Variants in DNM3 observed in about 807,000 individuals in gnomAD.
DNM3 encodes the protein dynamin 3, also known as dynamin-3.
DNM3 carries 47 observed loss-of-function variants against 101.6 expected under a neutral mutation model. That is an observed-to-expected ratio of 0.46 (90% CI 0.37 to 0.59). The LOEUF (loss-of-function observed/expected upper bound fraction) is 0.59. Among genes scored for constraint, DNM3 ranks in the 20% least tolerant of loss-of-function variants. The pLI is 0.00. For missense variants in DNM3, 849 were observed against 1,085.7 expected, an observed-to-expected ratio of 0.78 and a Z score of 3.06; for synonymous variants, 385 against 387.9, an observed-to-expected ratio of 0.99 and a Z score of 0.09.
At chr1:171,973,418 G>A (rs2044153913) in intron 2 of DNM3, among the ~76,000 whole-genome samples, 1 of 151,882 alleles carries the variant, frequency 6.6e-6, no homozygotes, top group African/African-American at 2.4e-5. Context: ...TTTTAATTAA[G>A]GGTTTACTAT....
chr1:172,224,058 C>T (rs1032605453), intron 14 of DNM3, among the ~76,000 whole-genome samples: 1 of 152,180 alleles, frequency 6.6e-6, no homozygotes, highest in Non-Finnish European at 1.5e-5. Flanking sequence ...GTTCTCTTGA[C>T]CAGTAATACC....
At chr1:172,258,498 T>C in intron 15 of DNM3, among the ~76,000 whole-genome samples, 1 of 152,082 alleles carries the variant, frequency 6.6e-6, no homozygotes, top group Non-Finnish European at 1.5e-5. Flanking sequence ...TCTTCGTAGG[T>C]TGTATTGTCC....
chr1:172,017,533 A>G (rs1447667588), intron 4 of DNM3, among the ~76,000 whole-genome samples: 2 of 152,048 alleles, frequency 1.3e-5, no homozygotes, highest in Non-Finnish European at 2.9e-5. Flanking sequence ...TTTCTATTTT[A>G]ATTTCACTGT....
chr1:171,955,651 T>C (rs755298866), intron 2 of DNM3, among the ~76,000 whole-genome samples: 18 of 152,170 alleles, frequency 1.2e-4, no homozygotes, highest in African/African-American at 1.9e-4. Flanking sequence ...CCTGCCCTAA[T>C]AGGTGAGAGG....
intron 5 of DNM3, 112 bp from the exon 6 acceptor site, chr1:172,032,993 G>C (rs987872964): frequency 7.8e-7 from 1 of 1,282,988 alleles, no homozygotes; most frequent in Non-Finnish European, 1.1e-6. Context: ...TCAGTCTTCA[G>C]GCCTAAAACT....
intron 2 of DNM3, among the ~76,000 whole-genome samples, chr1:171,976,349 A>G (rs2044369225): frequency 1.3e-5 from 2 of 152,228 alleles, no homozygotes; most frequent in Non-Finnish European, 2.9e-5. Flanking sequence ...ACTGACTTAC[A>G]GTTCCACATG....
intron 16 of DNM3, among the ~76,000 whole-genome samples, chr1:172,319,026 G>C (rs1001383801): frequency 1.7e-4 from 26 of 151,944 alleles, no homozygotes; most frequent in African/African-American, 6.3e-4. Context: ...CATGGTACTG[G>C]TACCAAAACA....
chr1:171,862,340 C>T (rs2034262423), intron 1 of DNM3, among the ~76,000 whole-genome samples: 1 of 152,088 alleles, frequency 6.6e-6, no homozygotes, highest in Admixed American at 6.5e-5. Context: ...CACCCAAATG[C>T]CCACCAATTG....
intron 17 of DNM3, chr1:172,376,429 T>C (rs1204513646): frequency 2.6e-5 from 4 of 152,174 alleles, no homozygotes; most frequent in African/African-American, 4.8e-5. Context: ...CTTATTGCAA[T>C]CCTATAATTT....
intron 14 of DNM3, among the ~76,000 whole-genome samples, chr1:172,206,118 T>G (rs2060313678): frequency 6.6e-6 from 1 of 152,160 alleles, no homozygotes; most frequent in East Asian, 1.9e-4. Context: ...TGGGATGCTT[T>G]CAAGCTTACT....
intron 14 of DNM3, among the ~76,000 whole-genome samples, chr1:172,183,767 A>ATTTTTTTTTTTTT (rs376245976): frequency 1.6e-5 from 1 of 62,650 alleles, no homozygotes; most frequent in Non-Finnish European, 3.0e-5. Flanking sequence ...TGCCCAGCTA[A>ATTTTTTTTTTTTT]TTTTTTTTTT....
At chr1:172,247,714 C>G (rs557178182) in intron 14 of DNM3, among the ~76,000 whole-genome samples, 90 of 144,936 alleles carry the variant, frequency 6.2e-4, no homozygotes, top group African/African-American at 2.1e-3. Flanking sequence ...GAGACAGTTT[C>G]GCTCTTGTCA....
intron 15 of DNM3, among the ~76,000 whole-genome samples, chr1:172,263,693 T>C (rs2422074): frequency 0.23 from 35,079 of 151,978 alleles, 4,123 homozygotes; most frequent in African/African-American, 0.27. Context: ...ATGGGAAAAA[T>C]CAGCCTCCAT....
chr1:171,921,327 G>A (rs899280781), intron 1 of DNM3, among the ~76,000 whole-genome samples: 4 of 152,098 alleles, frequency 2.6e-5, no homozygotes, highest in Non-Finnish European at 5.9e-5. Flanking sequence ...GTATATGATG[G>A]TGCTAATATT....
At chr1:172,111,358 A>G (rs1019511208) in intron 13 of DNM3, among the ~76,000 whole-genome samples, 2 of 152,244 alleles carry the variant, frequency 1.3e-5, no homozygotes, top group African/African-American at 4.8e-5. Context: ...TAGGGAAGGT[A>G]TAAGTATTTG....
intron 12 of DNM3, 110 bp from the exon 13 acceptor site, chr1:172,092,714 T>C: frequency 8.4e-7 from 1 of 1,184,234 alleles, no homozygotes. Context: ...GTATTAGGTC[T>C]GTCTCCATTG....
chr1:172,281,164 C>T (rs1321238809), intron 15 of DNM3, among the ~76,000 whole-genome samples: 1 of 151,952 alleles, frequency 6.6e-6, no homozygotes, highest in African/African-American at 2.4e-5. Context: ...GAACAAGACA[C>T]TCCTCCAGAT....
At chr1:172,182,289 GATA>G (rs2059378467) in intron 14 of DNM3, among the ~76,000 whole-genome samples, 3 of 151,800 alleles carry the variant, frequency 2.0e-5, no homozygotes, top group Admixed American at 2.0e-4. Flanking sequence ...TAAAAATGGA[GATA>G]ATAATGTTGA....
chr1:172,171,237 T>C (rs1214689130), intron 14 of DNM3, among the ~76,000 whole-genome samples: 1 of 151,828 alleles, frequency 6.6e-6, no homozygotes, highest in Non-Finnish European at 1.5e-5. Flanking sequence ...CTCCCTATAC[T>C]TACTCTATAT....
Sources: gnomAD v4.1 joint callset for allele counts (sites outside exome capture counted in the v4.1 genomes callset) on GRCh38, gnomAD v4.1.1 for gene constraint, MANE v1.5 for transcripts, NCBI Gene and HGNC (gene_info 2026-07-23, HGNC 2026-07-21) for gene names.